The following CLSTN2 variants were observed in gnomAD, a reference collection of about 807,000 sequenced individuals.
CLSTN2 encodes the protein calsyntenin-2.
A neutral mutation model predicts 101.2 loss-of-function variants in CLSTN2; 48 were observed. The observed-to-expected ratio is 0.47, with a 90% CI of 0.38 to 0.60. The LOEUF is 0.60. Among genes scored for constraint, CLSTN2 ranks in the 20% least tolerant of loss-of-function variants. The pLI is 0.00. For missense variants in CLSTN2, 1,160 were observed against 1,238.2 expected (o/e 0.94, Z 0.95); for synonymous variants, 481 against 463.6 (o/e 1.04, Z -0.48).
At chr3:140,534,597 G>C (rs1347206205) in intron 9 of CLSTN2, among the ~76,000 whole-genome samples, 1 of 152,190 alleles carries the variant, frequency 6.6e-6, no homozygotes, top group Non-Finnish European at 1.5e-5. Context: ...ACAGTCAGTA[G>C]ACAGAGCAGC....
intron 8 of CLSTN2, among the ~76,000 whole-genome samples, chr3:140,490,626 T>C (rs1934336733): frequency 6.9e-6 from 1 of 144,986 alleles, no homozygotes; most frequent in Non-Finnish European, 1.5e-5. Flanking sequence ...ACATGGCACA[T>C]CCACTGGGAC....
intron 1 of CLSTN2, among the ~76,000 whole-genome samples, chr3:140,143,574 A>C (rs1162559373): frequency 1.3e-5 from 2 of 152,330 alleles, no homozygotes; most frequent in African/African-American, 2.4e-5. Context: ...TTTACGAGCT[A>C]TCTGTACATC....
At chr3:139,971,388 C>T (rs1430626153) in intron 1 of CLSTN2, among the ~76,000 whole-genome samples, 1 of 152,226 alleles carries the variant, frequency 6.6e-6, no homozygotes, top group East Asian at 1.9e-4. Context: ...ATTTATTCAA[C>T]AATCATTTAT....
At chr3:140,223,482 T>C (rs530096303) in intron 2 of CLSTN2, among the ~76,000 whole-genome samples, 18 of 152,150 alleles carry the variant, frequency 1.2e-4, no homozygotes, top group Non-Finnish European at 2.5e-4. Flanking sequence ...GGGGCACTCA[T>C]TCTGCATGCT....
intron 5 of CLSTN2, among the ~76,000 whole-genome samples, chr3:140,442,220 C>T (rs1341783280): frequency 6.6e-6 from 1 of 152,126 alleles, no homozygotes; most frequent in Non-Finnish European, 1.5e-5. Flanking sequence ...ATATGCACTC[C>T]AACCAATCTG....
At chr3:140,009,923 G>A (rs767726586) in intron 1 of CLSTN2, among the ~76,000 whole-genome samples, 146 of 152,168 alleles carry the variant, frequency 9.6e-4, no homozygotes, top group Admixed American at 3.3e-4. Flanking sequence ...TTGTCCAGAC[G>A]TTGCTTCATG....
At chr3:140,163,944 C>G (rs949295487) in intron 1 of CLSTN2, among the ~76,000 whole-genome samples, 7 of 151,948 alleles carry the variant, frequency 4.6e-5, no homozygotes, top group Admixed American at 3.3e-4. Flanking sequence ...GCATGAATTC[C>G]AAAGTAAGTT....
chr3:140,285,410 G>A (rs986777796), intron 2 of CLSTN2, among the ~76,000 whole-genome samples: 6 of 152,018 alleles, frequency 3.9e-5, no homozygotes, highest in African/African-American at 1.4e-4. Context: ...CACGCTTCAG[G>A]TCGGCTTGCA....
At chr3:140,220,743 G>C (rs536243441) in intron 2 of CLSTN2, among the ~76,000 whole-genome samples, 2 of 152,212 alleles carry the variant, frequency 1.3e-5, no homozygotes, top group Non-Finnish European at 2.9e-5. Context: ...TTAGTGAAGA[G>C]AAAGAACAGA....
chr3:140,138,981 T>A (rs2009656494), intron 1 of CLSTN2, among the ~76,000 whole-genome samples: 3 of 152,264 alleles, frequency 2.0e-5, no homozygotes, highest in Admixed American at 6.5e-5. Context: ...CTTCGTAATT[T>A]ACTATCAATG....
At chr3:140,407,066 TG>T (rs1171652522) in intron 4 of CLSTN2, among the ~76,000 whole-genome samples, 1 of 152,190 alleles carries the variant, frequency 6.6e-6, no homozygotes, top group East Asian at 1.9e-4. Context: ...TCAGGGAGTG[TG>T]GGCCCCTGAC....
intron 1 of CLSTN2, among the ~76,000 whole-genome samples, chr3:139,992,716 A>G (rs747251515): frequency 9.9e-5 from 15 of 152,182 alleles, no homozygotes; most frequent in Non-Finnish European, 2.2e-4. Flanking sequence ...GTGAAACAAG[A>G]GAAGCAGAAT....
chr3:139,935,540 G>C lies in CLSTN2; in HGVS notation c.109+57G>C. On this transcript the variant is annotated intron_variant, in intron 1 of 16. Transcript: ENST00000458420. The surrounding 1 kb of genome is among the most constrained non-coding windows in gnomAD (Gnocchi z 5.5). ...GGAGGGAGGCAGGGCAGGCTTGAGG[G>C]TGAAAGCGGCAAGGACCTAGGCTCA... is the stretch of plus-strand genomic sequence containing the variant. The C allele has an allele frequency of 1.1e-6, 1 of 947,624 alleles. No individual in the cohort carries two copies. 58.7% of individuals were successfully genotyped at this position (947,624 alleles called of 1,614,324 possible).
At chr3:140,496,053 G>A (rs1934458469) in intron 8 of CLSTN2, among the ~76,000 whole-genome samples, 1 of 152,096 alleles carries the variant, frequency 6.6e-6, no homozygotes, top group African/African-American at 2.4e-5. Context: ...ATTACTTTGG[G>A]CAGTGTGACC....
intron 2 of CLSTN2, among the ~76,000 whole-genome samples, chr3:140,380,085 G>A (rs9817769): frequency 0.48 from 72,498 of 151,938 alleles, 17,978 homozygotes; most frequent in East Asian, 0.88. Flanking sequence ...ACAACACCAG[G>A]GGAAATTGTT....
chr3:140,106,113 G>A (rs2009053962), intron 1 of CLSTN2, among the ~76,000 whole-genome samples: 1 of 152,066 alleles, frequency 6.6e-6, no homozygotes, highest in African/African-American at 2.4e-5. Flanking sequence ...TTAAAGAACT[G>A]GTCTTTGTTC....
intron 1 of CLSTN2, among the ~76,000 whole-genome samples, chr3:140,129,878 TGTC>T (rs1279391457): frequency 3.3e-5 from 5 of 152,164 alleles, no homozygotes; most frequent in African/African-American, 1.2e-4. Flanking sequence ...CCTTGTCACA[TGTC>T]GGAAGACCAC....
intron 2 of CLSTN2, among the ~76,000 whole-genome samples, chr3:140,393,545 C>CGG (rs1553739682): frequency 6.6e-6 from 1 of 152,222 alleles, no homozygotes; most frequent in Non-Finnish European, 1.5e-5. Flanking sequence ...TGGCTGCTTA[C>CGG]AGAGATGTTG....
chr3:140,511,205 C>T (rs911814950), intron 8 of CLSTN2, among the ~76,000 whole-genome samples: 1 of 152,162 alleles, frequency 6.6e-6, no homozygotes, highest in African/African-American at 2.4e-5. Flanking sequence ...GATCTCACTC[C>T]TTTTATGGCT....
Sources: allele counts gnomAD v4.1 joint callset (sites outside exome capture counted in the v4.1 genomes callset), GRCh38; gene constraint gnomAD v4.1.1; non-coding constraint Gnocchi (gnomAD v3.1); transcripts MANE v1.5; gene names NCBI Gene and HGNC (gene_info 2026-07-23, HGNC 2026-07-21).